The following SPG21 variants were observed in gnomAD, a reference collection of about 807,000 sequenced individuals.
SPG21 encodes SPG21 abhydrolase domain containing, maspardin.
A neutral mutation model predicts 38.9 loss-of-function variants in SPG21; 26 were observed. That is an observed-to-expected ratio of 0.67 (90% CI 0.49 to 0.93). The LOEUF (loss-of-function observed/expected upper bound fraction) is 0.93. Among genes scored for constraint, SPG21 ranks in the 40% least tolerant of loss-of-function variants. SPG21 has a pLI of 0.00. For missense variants in SPG21, 333 were observed against 376.5 expected (o/e 0.88, Z 0.96); for synonymous variants, 136 against 128.9 (o/e 1.05, Z -0.37).
At chr15:64,965,204 A>C (rs2085518299) in intron 8 of SPG21, 116 bp downstream of exon 8, 1 of 1,408,616 alleles carries the variant, frequency 7.1e-7, no homozygotes, top group South Asian at 1.2e-5. Context: ...TCAATGCCTC[A>C]TTTCTACAAG....
intron 7 of SPG21, among the ~76,000 whole-genome samples, chr15:64,965,688 T>G (rs2085527979): frequency 6.6e-6 from 1 of 152,186 alleles, no homozygotes; most frequent in African/African-American, 2.4e-5. Context: ...GCTACAGATT[T>G]TGCTGCACAG....
intron 1 of SPG21, among the ~76,000 whole-genome samples, chr15:64,984,542 G>C (rs938882431): frequency 6.6e-6 from 1 of 151,846 alleles, no homozygotes; most frequent in Non-Finnish European, 1.5e-5. Context: ...TGTAGAGATG[G>C]GGGCCTCCCT....
intron 5 of SPG21, among the ~76,000 whole-genome samples, chr15:64,973,093 A>C (rs994255905): frequency 4.6e-5 from 7 of 152,086 alleles, no homozygotes; most frequent in Non-Finnish European, 1.0e-4. Context: ...CCTCCTGAGT[A>C]GCTAGGACTG....
At chr15:64,988,174 A>G (rs2086035943) in intron 1 of SPG21, among the ~76,000 whole-genome samples, 1 of 152,116 alleles carries the variant, frequency 6.6e-6, no homozygotes, top group Non-Finnish European at 1.5e-5. Flanking sequence ...GTGAGCTGAG[A>G]TCACACCACT....
At chr15:64,967,828 A>C (rs1010077568) in intron 7 of SPG21, among the ~76,000 whole-genome samples, 3 of 152,200 alleles carry the variant, frequency 2.0e-5, no homozygotes, top group Non-Finnish European at 2.9e-5. Context: ...ACTGGTCTCG[A>C]ATTCCTGGGC....
intron 5 of SPG21, among the ~76,000 whole-genome samples, chr15:64,973,028 G>A (rs72742710): frequency 6.6e-6 from 1 of 152,126 alleles, no homozygotes; most frequent in Non-Finnish European, 1.5e-5. Flanking sequence ...CAGAGGCACA[G>A]TTGTGGCTCA....
chr15:64,966,244 T>C (rs904198627), intron 7 of SPG21, among the ~76,000 whole-genome samples: 5 of 152,178 alleles, frequency 3.3e-5, no homozygotes, highest in Non-Finnish European at 7.4e-5. Context: ...GGAAACCAGT[T>C]TGCAGCATAT....
intron 7 of SPG21, among the ~76,000 whole-genome samples, chr15:64,968,843 C>A (rs531356738): frequency 6.6e-5 from 10 of 152,234 alleles, no homozygotes; most frequent in African/African-American, 2.4e-4. Flanking sequence ...TTGATGAGAA[C>A]AGCAAAAATA....
chr15:64,989,352 G>A (rs972262040), intron 1 of SPG21: 2 of 152,136 alleles, frequency 1.3e-5, no homozygotes, highest in African/African-American at 4.8e-5. Context: ...TGGGTTTACA[G>A]GAGGATGCCC....
At chr15:64,988,611 G>T (rs1320626897) in intron 1 of SPG21, 1 of 152,208 alleles carries the variant, frequency 6.6e-6, no homozygotes, top group African/African-American at 2.4e-5. Flanking sequence ...GGAGGAAAAG[G>T]TGCCTACCTG....
At chr15:64,985,630 C>T (rs1024130296) in intron 1 of SPG21, among the ~76,000 whole-genome samples, 2 of 152,196 alleles carry the variant, frequency 1.3e-5, no homozygotes, top group African/African-American at 4.8e-5. Flanking sequence ...GATCCTAGCA[C>T]GGCTAACACG....
At chr15:64,981,741 G>A (rs1191650685) in intron 2 of SPG21, 2 of 151,184 alleles carry the variant, frequency 1.3e-5, no homozygotes, top group African/African-American at 4.9e-5. Flanking sequence ...GATGTTAAGT[G>A]TCCTAGAAAT....
Position 64,963,307 on chromosome 15 carries a change from C to A in SPG21, c.*313G>T. 2 of 264,594 alleles carry A rather than the reference C, an allele frequency of 7.6e-6. No homozygotes were observed. The highest frequency in any genetic ancestry group is 2.2e-5 in the African/African-American group (1 of 45,084). The allele number at this position is 264,594 out of a possible 1,614,324, so 16.4% of individuals were successfully genotyped here. A position where few individuals can be genotyped will look rare whatever the true frequency, so the allele number is the denominator to read the frequency against. On this transcript the variant is annotated 3_prime_UTR_variant, in exon 9 of 9. Coordinates refer to ENST00000204566, the MANE Select transcript of SPG21 (RefSeq NM_016630.7). The stretch of plus-strand genomic sequence containing the variant: ...AAAAAACCACCACAAAGTCCCAAAC[C>A]TCAGAAATTAACATTCACTTAAGAA...
In SPG21 at chr15:64,963,813, G is replaced by C. The variant is rs572493289; in HGVS notation, c.811-77C>G. 39 of 1,336,082 alleles carry C rather than the reference G, an allele frequency of 2.9e-5. No individual in the cohort carries two copies. In the East Asian group the frequency reaches 9.3e-4, roughly 32 times the overall value. The allele number at this position is 1,336,082 out of a possible 1,614,324, so 82.8% of individuals were successfully genotyped here. A position where few individuals can be genotyped will look rare whatever the true frequency, so the allele number is the denominator to read the frequency against. On this transcript the variant is annotated intron_variant, in intron 8 of 8. Coordinates refer to ENST00000204566, the MANE Select transcript of SPG21 (RefSeq NM_016630.7). ...CTCTTGTTGCCCAGGCTGGAGTGCAGTGGCACTATCTTGGTTCACTCCAAC... is the reference window on the plus strand; with the variant it reads ...CTCTTGTTGCCCAGGCTGGAGTGCACTGGCACTATCTTGGTTCACTCCAAC...
At chr15:64,975,181 G>A (rs886821023) in intron 4 of SPG21, among the ~76,000 whole-genome samples, 7 of 151,676 alleles carry the variant, frequency 4.6e-5, no homozygotes, top group South Asian at 4.2e-4. Context: ...CCAGCTACTC[G>A]GGAGGCTGAG....
chr15:64,976,444 G>C (rs780748733), intron 4 of SPG21, 31 bp downstream of exon 4: 2 of 1,469,866 alleles, frequency 1.4e-6, no homozygotes, highest in East Asian at 2.3e-5. Context: ...AAAAAAAATT[G>C]TATGTATGTA....
At chr15:64,964,677 C>T (rs947303137) in intron 8 of SPG21, among the ~76,000 whole-genome samples, 1 of 152,028 alleles carries the variant, frequency 6.6e-6, no homozygotes, top group Non-Finnish European at 1.5e-5. Flanking sequence ...GTTGCCCAGG[C>T]TGGAGTGCAA....
At chr15:64,963,768 T>C (rs776264033) in intron 8 of SPG21, 32 bp from the exon 9 acceptor site, 3 of 1,593,572 alleles carry the variant, frequency 1.9e-6, no homozygotes, top group Middle Eastern at 1.8e-4. Context: ...ATTTTATTTA[T>C]TTTTTGAGCT....
intron 5 of SPG21, among the ~76,000 whole-genome samples, chr15:64,974,153 G>T (rs2140426151): frequency 6.6e-6 from 1 of 152,204 alleles, no homozygotes; most frequent in South Asian, 2.1e-4. Flanking sequence ...TTTTGCAAAG[G>T]TAATTGTTTC....
Sources: allele counts gnomAD v4.1 joint callset (sites outside exome capture counted in the v4.1 genomes callset), GRCh38; gene constraint gnomAD v4.1.1; transcripts MANE v1.5; gene names NCBI Gene and HGNC (gene_info 2026-07-23, HGNC 2026-07-21).